The following BCL9 variants were observed in gnomAD, a reference collection of about 807,000 sequenced individuals.
The protein encoded by BCL9 is B-cell CLL/lymphoma 9 protein.
BCL9 carries 25 observed loss-of-function variants against 88.5 expected under a neutral mutation model. The observed-to-expected ratio is 0.28, with a 90% CI of 0.21 to 0.39. The LOEUF is 0.39. Ranked by LOEUF, BCL9 falls within the 10% of genes least tolerant of loss-of-function variation. The pLI is 1.00. For missense variants in BCL9, 1,817 were observed against 1,877.8 expected (o/e 0.97, Z 0.60); for synonymous variants, 711 against 673.3 (o/e 1.06, Z -0.87).
chr1:147,608,583 A>G (rs1357472843), intron 3 of BCL9, among the ~76,000 whole-genome samples: 1 of 151,918 alleles, frequency 6.6e-6, no homozygotes, highest in East Asian at 1.9e-4. Context: ...GCAGTTAAGA[A>G]CTTTCTGCCT....
intron 1 of BCL9, among the ~76,000 whole-genome samples, chr1:147,549,640 A>G (rs940433364): frequency 1.3e-5 from 2 of 152,136 alleles, no homozygotes; most frequent in Admixed American, 1.3e-4. Flanking sequence ...TAAGTGCTAA[A>G]CCCTCTAGAA....
At chr1:147,562,893 C>T (rs771030910) in intron 1 of BCL9, among the ~76,000 whole-genome samples, 5 of 152,182 alleles carry the variant, frequency 3.3e-5, no homozygotes, top group African/African-American at 4.8e-5. Context: ...CTTACCATGG[C>T]GTGGTGGAAG....
chr1:147,563,142 G>A (rs1413437572), intron 1 of BCL9, among the ~76,000 whole-genome samples: 7 of 152,166 alleles, frequency 4.6e-5, no homozygotes, highest in East Asian at 1.9e-4. Flanking sequence ...TCAGAGAGCC[G>A]TTCCTAACCA....
chr1:147,573,955 G>A (rs1317627008), intron 1 of BCL9, among the ~76,000 whole-genome samples: 4 of 151,948 alleles, frequency 2.6e-5, no homozygotes, highest in African/African-American at 9.7e-5. Flanking sequence ...ATATTATGGT[G>A]CCTTGAAGGG....
In BCL9 at chr1:147,614,421, T is replaced by C; in HGVS notation, c.371-6T>C. On this transcript the variant is annotated splice_polypyrimidine_tract_variant and splice_region_variant and intron_variant, in intron 5 of 9. Coordinates refer to ENST00000234739, the MANE Select transcript of BCL9 (RefSeq NM_004326.4). ...CTTTCTGTGACGAGTCATTTTATTC[T>C]TTTAGAATGTAATTCTGCTGACCAC... The C allele has an allele frequency of 1.2e-6, 2 of 1,613,184 alleles. No individual in the cohort carries two copies. The highest frequency in any genetic ancestry group is 2.2e-5 in the South Asian group (2 of 91,048).
At chr1:147,600,842 G>C (rs1657351298) in intron 1 of BCL9, among the ~76,000 whole-genome samples, 1 of 152,072 alleles carries the variant, frequency 6.6e-6, no homozygotes, top group South Asian at 2.1e-4. Context: ...GGCCCAAGCA[G>C]GTGAATTGGT....
In BCL9 at chr1:147,619,554, C is replaced by G; in HGVS notation, c.1399C>G (p.Pro467Ala). 6.2e-7 allele frequency: 1 copy of G among 1,614,058 alleles called. No homozygotes were observed. ...IGPDHLDHMTPEQIAWLKLQQ... is the reference protein window; with the variant it reads ...IGPDHLDHMTAEQIAWLKLQQ... ...ACCCGACCACCTTGACCATATGACT[C>G]CCGAGCAGATAGCGTGGCTGAAACT... The change falls in exon 8 of 10, where the codon CCC becomes GCC. Residue 467 changes from proline (P) to alanine (A), a missense_variant. By Grantham distance (27) the Pro-to-Ala change is conservative. Coordinates refer to ENST00000234739, the MANE Select transcript of BCL9 (RefSeq NM_004326.4). The surrounding 1 kb of genome is among the most constrained non-coding windows in gnomAD (Gnocchi z 4.1).
At chr1:147,571,004 C>T (rs868966587) in intron 1 of BCL9, among the ~76,000 whole-genome samples, 25 of 151,956 alleles carry the variant, frequency 1.6e-4, no homozygotes, top group African/African-American at 5.1e-4. Context: ...TTGTTGCTAT[C>T]GGGGTATTTG....
chr1:147,552,291 T>C (rs1273891313), intron 1 of BCL9, among the ~76,000 whole-genome samples: 1 of 152,126 alleles, frequency 6.6e-6, no homozygotes, highest in Non-Finnish European at 1.5e-5. Flanking sequence ...AAGGGTGATA[T>C]AAAGTAGCAT....
intron 1 of BCL9, among the ~76,000 whole-genome samples, chr1:147,543,761 C>T (rs1654434461): frequency 6.6e-6 from 1 of 152,050 alleles, no homozygotes; most frequent in African/African-American, 2.4e-5. Context: ...GAGGCGGGTG[C>T]AACAAAGCTG....
At chr1:147,580,581 A>C (rs1290388999) in intron 1 of BCL9, among the ~76,000 whole-genome samples, 9 of 152,226 alleles carry the variant, frequency 5.9e-5, no homozygotes, top group Non-Finnish European at 8.8e-5. Context: ...TAAACATGCC[A>C]TAAAGCACCT....
intron 1 of BCL9, among the ~76,000 whole-genome samples, chr1:147,544,963 G>A (rs994898565): frequency 3.3e-5 from 5 of 152,032 alleles, no homozygotes; most frequent in Non-Finnish European, 7.4e-5. Flanking sequence ...TTTCTACATC[G>A]TGTCTTTCTC....
Position 147,611,811 on chromosome 1 carries a change from T to C in BCL9, c.-26T>C. 1 of 1,613,154 alleles carries C rather than the reference T, an allele frequency of 6.2e-7. No homozygotes were observed. Among genetic ancestry groups the C allele is most frequent in the South Asian group, 1.1e-5 (1 of 91,052 alleles). On this transcript the variant is annotated 5_prime_UTR_variant, in exon 4 of 10. Coordinates refer to ENST00000234739, the MANE Select transcript of BCL9 (RefSeq NM_004326.4). ...GAACTCGGTGAGCCTGTCCCGTTTGTGACTGCAAGCTCAGGATTTCAATCA... is the reference window on the plus strand; with the variant it reads ...GAACTCGGTGAGCCTGTCCCGTTTGCGACTGCAAGCTCAGGATTTCAATCA...
intron 1 of BCL9, among the ~76,000 whole-genome samples, chr1:147,549,142 A>G (rs1387726681): frequency 2.0e-5 from 3 of 151,784 alleles, no homozygotes; most frequent in Non-Finnish European, 1.5e-5. Context: ...ACACCCAGCT[A>G]ATTTTTGTAT....
At chr1:147,581,985 C>G (rs1170479010) in intron 1 of BCL9, among the ~76,000 whole-genome samples, 5 of 152,078 alleles carry the variant, frequency 3.3e-5, no homozygotes, top group Non-Finnish European at 7.4e-5. Flanking sequence ...AGAACTAAAA[C>G]AAAAGAAGAA....
At chr1:147,587,250 C>A (rs1656654861) in intron 1 of BCL9, among the ~76,000 whole-genome samples, 1 of 142,636 alleles carries the variant, frequency 7.0e-6, no homozygotes, top group Non-Finnish European at 1.5e-5. Context: ...ACGACAGTAG[C>A]TTACTTGTGG....
At chr1:147,586,832 G>T (rs1367851165) in intron 1 of BCL9, among the ~76,000 whole-genome samples, 1 of 152,096 alleles carries the variant, frequency 6.6e-6, no homozygotes, top group Non-Finnish European at 1.5e-5. Context: ...AGCATTTTCT[G>T]ATTGTTCCAA....
chr1:147,605,113 A>G (rs980173438), intron 2 of BCL9, among the ~76,000 whole-genome samples: 2 of 152,246 alleles, frequency 1.3e-5, no homozygotes, highest in African/African-American at 4.8e-5. Flanking sequence ...AGGGACTTGT[A>G]CAATAACTCA....
chr1:147,545,357 G>C (rs782620130), intron 1 of BCL9, among the ~76,000 whole-genome samples: 2 of 152,148 alleles, frequency 1.3e-5, no homozygotes, highest in African/African-American at 4.8e-5. Context: ...GTTACTCACC[G>C]GGGAGCTGCC....
Sources: gnomAD v4.1 joint callset for allele counts (sites outside exome capture counted in the v4.1 genomes callset) on GRCh38, gnomAD v4.1.1 for gene constraint, Gnocchi (gnomAD v3.1) non-coding constraint, MANE v1.5 for transcripts, NCBI Gene and HGNC (gene_info 2026-07-23, HGNC 2026-07-21) for gene names.